The following BBS7 variants were observed in gnomAD, a reference collection of about 807,000 sequenced individuals.
BBS7 encodes BBSome complex member BBS7.
BBS7 carries 50 observed loss-of-function variants against 90.3 expected under a neutral mutation model. The observed-to-expected ratio is 0.55, with a 90% CI of 0.44 to 0.70. The LOEUF (loss-of-function observed/expected upper bound fraction) is 0.70. Ranked by LOEUF, BBS7 falls within the 30% of genes least tolerant of loss-of-function variation. BBS7 has a pLI of 0.00. For synonymous variants in BBS7, 235 were observed against 287.4 expected (o/e 0.82, Z 1.85); for missense variants, 729 against 838.9 (o/e 0.87, Z 1.62).
chr4:121,828,000 AT>A (rs1724986924), intron 18 of BBS7, 145 bp downstream of exon 18: 9 of 1,483,956 alleles, frequency 6.1e-6, no homozygotes, highest in Non-Finnish European at 8.0e-6. Context: ...TGTGCAATAA[AT>A]TTGTTGTCAA....
chr4:121,860,832 T>C lies in BBS7; in HGVS notation c.341+672A>G, dbSNP rs972824186. Among the ~76,000 whole-genome samples the C allele has an allele frequency of 6.6e-5, 10 of 152,164 alleles. No homozygotes were observed. The East Asian group carries it at 1.7e-3, about 26-fold the overall frequency. On this transcript the variant is annotated intron_variant, in intron 4 of 18. Coordinates refer to ENST00000264499, the MANE Select transcript of BBS7 (RefSeq NM_176824.3). ...TCTAGCCTAAGAGTCTGGCTGATTA[T>C]ATAACTTGGCTGCACTAGATTCAAA...
rs796810142 is a variant in BBS7 at position 121,834,702 on chromosome 4, A to G, written c.1511+442T>C. ...GTTCTGAAAAACTACAAAGAAGTGG[A>G]TGCCTAAGTTGGCATGGAAATAAAA... On this transcript the variant is annotated intron_variant, in intron 14 of 18. Transcript: ENST00000264499. 2.6e-5 allele frequency among the ~76,000 whole-genome samples: 4 copies of G among 152,288 alleles called. No homozygotes were observed. In the East Asian group the frequency reaches 7.7e-4, roughly 29 times the overall value.
chr4:121,834,095 A>T (rs1453542961), intron 14 of BBS7, among the ~76,000 whole-genome samples: 1 of 152,164 alleles, frequency 6.6e-6, no homozygotes, highest in Non-Finnish European at 1.5e-5. Context: ...AAGTAACATT[A>T]AAAAAACTGT....
intron 11 of BBS7, among the ~76,000 whole-genome samples, chr4:121,844,752 C>G (rs1310541493): frequency 1.3e-5 from 2 of 151,774 alleles, no homozygotes; most frequent in Admixed American, 6.6e-5. Context: ...TAAATTTCAC[C>G]CTTTAGTATT....
chr4:121,826,038 T>G, intron 18 of BBS7, 45 bp from the exon 19 acceptor site: 1 of 1,479,696 alleles, frequency 6.8e-7, no homozygotes, highest in South Asian at 1.1e-5. Flanking sequence ...TTAGTTATAT[T>G]TAATGACACA....
At chr4:121,831,092 C>T (rs955770089) in intron 15 of BBS7, among the ~76,000 whole-genome samples, 18 of 152,166 alleles carry the variant, frequency 1.2e-4, no homozygotes, top group Non-Finnish European at 2.4e-4. Flanking sequence ...GTAGTCCCAA[C>T]TACTCGGGAG....
At chr4:121,832,235 G>A (rs1227292898) in intron 15 of BBS7, among the ~76,000 whole-genome samples, 1 of 152,042 alleles carries the variant, frequency 6.6e-6, no homozygotes, top group African/African-American at 2.4e-5. Context: ...CAGCTACTCA[G>A]GAGGCTGAGG....
intron 5 of BBS7, among the ~76,000 whole-genome samples, chr4:121,857,808 C>CTTTTTTTTTTT (rs5861541): frequency 7.6e-6 from 1 of 132,394 alleles, no homozygotes; most frequent in African/African-American, 2.8e-5. Context: ...TTTTTCTTTT[C>CTTTTTTTTTTT]TTTTTTTTTT....
chr4:121,870,432 G>A lies in BBS7; in HGVS notation c.-119C>T, dbSNP rs111820892. 6 of 1,201,774 alleles carry A rather than the reference G, an allele frequency of 5.0e-6. No homozygotes were observed. In the African/African-American group the frequency reaches 7.5e-5, roughly 15 times the overall value. 74.4% of individuals were successfully genotyped at this position (1,201,774 alleles called of 1,614,324 possible). A position where few individuals can be genotyped will look rare whatever the true frequency, so the allele number is the denominator to read the frequency against. ...CCGCGCCCCTCAAAAGCCAGCCCCA[G>A]CTACCGCGCCTAGGTCCTGGGCTGC... On this transcript the variant is annotated 5_prime_UTR_variant, in exon 1 of 19. Coordinates refer to ENST00000264499, the MANE Select transcript of BBS7 (RefSeq NM_176824.3).
chr4:121,836,538 T>G (rs1360488593), intron 13 of BBS7, among the ~76,000 whole-genome samples: 1 of 152,244 alleles, frequency 6.6e-6, no homozygotes, highest in Non-Finnish European at 1.5e-5. Flanking sequence ...CAACTCATTC[T>G]TTATAGTAGC....
intron 3 of BBS7, 116 bp from the exon 4 acceptor site, chr4:121,861,795 T>C (rs1159550579): frequency 1.7e-5 from 17 of 978,142 alleles, no homozygotes; most frequent in Admixed American, 2.2e-5. Flanking sequence ...TTCCACTATA[T>C]AGAAATAATT....
At chr4:121,866,164 A>G (rs1440929868) in intron 2 of BBS7, among the ~76,000 whole-genome samples, 1 of 152,000 alleles carries the variant, frequency 6.6e-6, no homozygotes, top group African/African-American at 2.4e-5. Flanking sequence ...ATCCCATTCT[A>G]TAGATTGTCT....
At chr4:121,863,741 C>T (rs1041712722) in intron 2 of BBS7, among the ~76,000 whole-genome samples, 1 of 151,836 alleles carries the variant, frequency 6.6e-6, no homozygotes, top group African/African-American at 2.4e-5. Context: ...ATTTTAAACA[C>T]CTTTTTTAAA....
chr4:121,843,910 T>C lies in BBS7; in HGVS notation c.1305+17A>G, dbSNP rs770256340. On this transcript the variant is annotated intron_variant, in intron 12 of 18. Transcript: ENST00000264499. The stretch of plus-strand genomic sequence containing the variant: ...GAAATGAAAGCATGTGAAGAATTCT[T>C]TTATATTTTTACTCACCTCAGAATC... 7.1e-6 allele frequency: 11 copies of C among 1,544,622 alleles called. No individual in the cohort carries two copies.
At chr4:121,828,115 A>G in intron 18 of BBS7, 31 bp downstream of exon 18, 1 of 1,610,930 alleles carries the variant, frequency 6.2e-7, no homozygotes, top group Non-Finnish European at 8.5e-7. Flanking sequence ...GAAAAGAAAT[A>G]TGGCAAGGTA....
intron 8 of BBS7, among the ~76,000 whole-genome samples, chr4:121,851,379 GA>G (rs34225067): frequency 0.011 from 1,205 of 106,992 alleles, 12 homozygotes; most frequent in African/African-American, 0.041. Flanking sequence ...CAAGGAGCAG[GA>G]AAAAAAAAAA....
chr4:121,827,945 AAG>A, intron 18 of BBS7, 199 bp downstream of exon 18: 2 of 1,368,506 alleles, frequency 1.5e-6, no homozygotes, highest in Non-Finnish European at 1.9e-6. Context: ...TATCAAGTAA[AAG>A]AATTAAATAT....
In BBS7 at chr4:121,847,295, AATTAC is replaced by A. The variant is rs553082029; in HGVS notation, c.1037+104_1037+108del. On this transcript the variant is annotated intron_variant, in intron 10 of 18. Coordinates refer to ENST00000264499, the MANE Select transcript of BBS7 (RefSeq NM_176824.3). Reference sequence around the variant, plus strand: ...CATTTTAAAAGGTGATAAACTAATTAATTACATAATTCCTTCCAATAAAATATACT... The same window carrying A: ...CATTTTAAAAGGTGATAAACTAATTAATAATTCCTTCCAATAAAATATACT... 214 of 719,532 alleles carry A rather than the reference AATTAC, an allele frequency of 3.0e-4. No individual in the cohort carries two copies. The East Asian group carries it at 5.5e-3, about 19-fold the overall frequency. 44.6% of individuals were successfully genotyped at this position (719,532 alleles called of 1,614,324 possible).
chr4:121,855,155 A>T (rs919064767), intron 6 of BBS7, among the ~76,000 whole-genome samples: 1 of 152,038 alleles, frequency 6.6e-6, no homozygotes. Context: ...TCTATAAAAA[A>T]TACCAAAAAC....
Sources: allele counts gnomAD v4.1 joint callset (sites outside exome capture counted in the v4.1 genomes callset), GRCh38; gene constraint gnomAD v4.1.1; transcripts MANE v1.5; gene names NCBI Gene and HGNC (gene_info 2026-07-23, HGNC 2026-07-21).